RNF175: variants seen among roughly 807,000 people sequenced by gnomAD.
The protein encoded by RNF175 is ring finger protein 175.
RNF175 carries 38 observed loss-of-function variants against 50.0 expected under a neutral mutation model. That is an observed-to-expected ratio of 0.76 (90% confidence interval 0.59 to 1.00). The LOEUF (loss-of-function observed/expected upper bound fraction) is 1.00. Among genes scored for constraint, RNF175 ranks in the 50% least tolerant of loss-of-function variants. The pLI is 0.00. For synonymous variants in RNF175, 155 were observed against 146.1 expected (o/e 1.06, Z -0.44); for missense variants, 388 against 409.6 (o/e 0.95, Z 0.46).
intron 2 of RNF175, among the ~76,000 whole-genome samples, chr4:153,750,118 T>G (rs573097142): frequency 6.6e-6 from 1 of 152,336 alleles, no homozygotes; most frequent in East Asian, 1.9e-4. Context: ...TCATGAATGC[T>G]GTCAGTTACT....
At chr4:153,726,729 G>A (rs1310895904) in intron 4 of RNF175, among the ~76,000 whole-genome samples, 2 of 152,214 alleles carry the variant, frequency 1.3e-5, no homozygotes, top group Non-Finnish European at 2.9e-5. Context: ...TGCCTCTTAT[G>A]TACAGGAGCT....
At chr4:153,727,140 G>A (rs1738745819) in intron 4 of RNF175, among the ~76,000 whole-genome samples, 1 of 152,098 alleles carries the variant, frequency 6.6e-6, no homozygotes, top group Non-Finnish European at 1.5e-5. Flanking sequence ...CCCAAACTCA[G>A]AGCACTTTCA....
intron 6 of RNF175, among the ~76,000 whole-genome samples, chr4:153,719,150 C>G (rs1738167351): frequency 6.6e-6 from 1 of 152,278 alleles, no homozygotes; most frequent in East Asian, 1.9e-4. Context: ...GTTCCCCTCT[C>G]TGTGTCCATG....
chr4:153,747,990 G>C (rs569613724), intron 3 of RNF175, among the ~76,000 whole-genome samples: 8 of 152,340 alleles, frequency 5.3e-5, no homozygotes, highest in Non-Finnish European at 1.0e-4. Flanking sequence ...GAAGGTGAGA[G>C]GGCAAGAGAG....
intron 3 of RNF175, among the ~76,000 whole-genome samples, chr4:153,740,820 G>A (rs1344844324): frequency 6.6e-6 from 1 of 152,134 alleles, no homozygotes; most frequent in Non-Finnish European, 1.5e-5. Context: ...GATGTATTGA[G>A]TAATAGAAGC....
chr4:153,712,688 G>T, intron 7 of RNF175, 112 bp from the exon 8 acceptor site: 1 of 716,002 alleles, frequency 1.4e-6, no homozygotes, highest in Non-Finnish European at 2.4e-6. Flanking sequence ...GACTTGATGA[G>T]GCACATCGCT....
intron 4 of RNF175, among the ~76,000 whole-genome samples, chr4:153,724,071 G>A (rs10006303): frequency 0.19 from 28,591 of 152,038 alleles, 3,058 homozygotes; most frequent in Non-Finnish European, 0.24. Flanking sequence ...AGGGTCCTGC[G>A]TGTACCCCAG....
intron 4 of RNF175, 61 bp downstream of exon 4, chr4:153,728,146 A>T: frequency 7.6e-7 from 1 of 1,320,884 alleles, no homozygotes; most frequent in Non-Finnish European, 1.0e-6. Flanking sequence ...TGGCAATAAA[A>T]TATGCTTTGT....
chr4:153,758,585 T>C (rs955811556), intron 1 of RNF175, among the ~76,000 whole-genome samples: 1 of 152,190 alleles, frequency 6.6e-6, no homozygotes, highest in Non-Finnish European at 1.5e-5. Flanking sequence ...TTCGATAATC[T>C]GGGTTTGAAA....
At chr4:153,715,881 G>A (rs920397291) in intron 6 of RNF175, among the ~76,000 whole-genome samples, 9 of 151,942 alleles carry the variant, frequency 5.9e-5, no homozygotes, top group Non-Finnish European at 1.3e-4. Flanking sequence ...GGCCAACGGG[G>A]TGAAACCCTG....
chr4:153,734,542 C>T (rs567869621), intron 3 of RNF175, among the ~76,000 whole-genome samples: 1 of 150,628 alleles, frequency 6.6e-6, no homozygotes, highest in Admixed American at 6.6e-5. Flanking sequence ...TAATCCAGAT[C>T]TTTTGCCATT....
intron 8 of RNF175, among the ~76,000 whole-genome samples, chr4:153,711,377 G>A (rs1737565356): frequency 6.6e-6 from 1 of 151,752 alleles, no homozygotes; most frequent in African/African-American, 2.4e-5. Context: ...ACTGCAGAGG[G>A]TGGTCTCTTG....
At chr4:153,721,120 A>G (rs1439165) in intron 5 of RNF175, among the ~76,000 whole-genome samples, 42,860 of 151,826 alleles carry the variant, frequency 0.28, 6,761 homozygotes, top group South Asian at 0.47. Context: ...TCATATTTCA[A>G]TTATACCAGG....
chr4:153,754,526 G>A (rs906130836), intron 1 of RNF175, among the ~76,000 whole-genome samples: 2 of 152,166 alleles, frequency 1.3e-5, no homozygotes, highest in African/African-American at 2.4e-5. Context: ...TTTAGGCACC[G>A]TAGTGAGTTG....
In RNF175 at chr4:153,720,242, C is replaced by G. The variant is rs1167412454; in HGVS notation, c.572G>C (p.Gly191Ala). 2 of 1,612,028 alleles carry G rather than the reference C, an allele frequency of 1.2e-6. No homozygotes were observed. The highest frequency in any genetic ancestry group is 2.2e-5 in the South Asian group (2 of 90,968). ...IVSLFYGLYY[G>A]VMGRDFAEIC... The stretch of plus-strand genomic sequence containing the variant: ...CTCGGCAAAGTCTCTCCCCATTACT[C>G]CATAGTAGAGGCCGTAGAACAAAGA... The change falls in exon 6 of 9, where the codon GGA becomes GCA. Residue 191 changes from glycine (G) to alanine (A), a missense_variant. Gly to Ala is a moderately conservative substitution (Grantham distance 60, BLOSUM62 0). Coordinates refer to ENST00000347063, the MANE Select transcript of RNF175 (RefSeq NM_173662.4).
At chr4:153,729,693 C>T in intron 3 of RNF175, 2 of 985,220 alleles carry the variant, frequency 2.0e-6, no homozygotes, top group South Asian at 9.4e-5. Flanking sequence ...TTGATTGCTC[C>T]ATCCTCATAA....
chr4:153,724,342 C>A (rs1738540498), intron 4 of RNF175, among the ~76,000 whole-genome samples: 2 of 152,216 alleles, frequency 1.3e-5, no homozygotes, highest in Non-Finnish European at 2.9e-5. Context: ...GGGCTATGCC[C>A]ATTGGTACAA....
At chr4:153,732,213 CAG>C (rs1190680889) in intron 3 of RNF175, among the ~76,000 whole-genome samples, 3 of 149,392 alleles carry the variant, frequency 2.0e-5, no homozygotes, top group African/African-American at 7.4e-5. Flanking sequence ...GCCTGGGTAA[CAG>C]AGCAAGACTC....
chr4:153,748,942 AAAGTTTTTCT>A, intron 2 of RNF175, 156 bp from the exon 3 acceptor site: 1 of 667,416 alleles, frequency 1.5e-6, no homozygotes, highest in Admixed American at 3.3e-5. Flanking sequence ...CTTTGATTGT[AAAGTTTTTCT>A]AAGTTTTTCT....
Sources: allele counts gnomAD v4.1 joint callset (sites outside exome capture counted in the v4.1 genomes callset), GRCh38; gene constraint gnomAD v4.1.1; transcripts MANE v1.5; gene names NCBI Gene and HGNC (gene_info 2026-07-23, HGNC 2026-07-21).